The following SLC8A3 variants were observed in gnomAD, a reference collection of about 807,000 sequenced individuals.
The protein encoded by SLC8A3 is sodium/calcium exchanger 3.
Under a neutral mutation model 65.4 loss-of-function variants are expected in SLC8A3, and 37 were observed. The observed-to-expected ratio is 0.57, with a 90% CI of 0.44 to 0.74. The LOEUF is 0.74. Among genes scored for constraint, SLC8A3 ranks in the 30% least tolerant of loss-of-function variants. The pLI, the probability that SLC8A3 is intolerant of heterozygous loss-of-function variation, is 0.00. For synonymous variants in SLC8A3, 461 were observed against 444.5 expected (o/e 1.04, Z -0.47); for missense variants, 1,112 against 1,172.1 (o/e 0.95, Z 0.75).
At chr14:70,144,303 T>C (rs1478210360) in intron 2 of SLC8A3, among the ~76,000 whole-genome samples, 1 of 113,092 alleles carries the variant, frequency 8.8e-6, no homozygotes, top group Non-Finnish European at 1.7e-5. Context: ...TAACGAAAAC[T>C]TCCTGTTTTT....
At chr14:70,060,763 T>C in intron 3 of SLC8A3, 73 bp downstream of exon 3, 1 of 878,186 alleles carries the variant, frequency 1.1e-6, no homozygotes, top group South Asian at 1.4e-5. Flanking sequence ...TTTTCTTTTT[T>C]GTTGTTGTTT....
chr14:70,055,802 A>G, intron 3 of SLC8A3: 1 of 1,611,144 alleles, frequency 6.2e-7, no homozygotes, highest in Non-Finnish European at 8.5e-7. Context: ...TTACCTGGAG[A>G]TAACAGGAGC....
At chr14:70,080,486 C>T (rs931893940) in intron 2 of SLC8A3, among the ~76,000 whole-genome samples, 3 of 152,148 alleles carry the variant, frequency 2.0e-5, no homozygotes, top group Non-Finnish European at 2.9e-5. Context: ...GAAAACTGCT[C>T]GCTACACTGG....
rs146303844 is a variant in SLC8A3 at position 70,183,044 on chromosome 14, T to C, written c.-63+5335A>G. On this transcript the variant is annotated intron_variant, in intron 1 of 6. Transcript: ENST00000356921. Reference sequence around the variant, plus strand: ...AAGCTCACACTGTTTGGTTTCATTCTTTTGGACTTCGAGGTCCTCTCCTGT... The same window carrying C: ...AAGCTCACACTGTTTGGTTTCATTCCTTTGGACTTCGAGGTCCTCTCCTGT... Among the ~76,000 whole-genome samples, 19 of 152,334 alleles carry C rather than the reference T, an allele frequency of 1.2e-4. No homozygotes were observed. In the East Asian group the frequency reaches 1.9e-3, roughly 15 times the overall value.
chr14:70,105,114 G>A (rs547199582), intron 2 of SLC8A3, among the ~76,000 whole-genome samples: 1 of 152,288 alleles, frequency 6.6e-6, no homozygotes, highest in African/African-American at 2.4e-5. Context: ...TGGATCACAA[G>A]GTCAGGAGAT....
intron 2 of SLC8A3, among the ~76,000 whole-genome samples, chr14:70,133,593 C>T (rs1395959606): frequency 6.6e-6 from 1 of 152,194 alleles, no homozygotes; most frequent in Non-Finnish European, 1.5e-5. Context: ...AGTGGGGTCA[C>T]ACTGTGCCAG....
At chr14:70,084,818 G>A (rs1364141120) in intron 2 of SLC8A3, among the ~76,000 whole-genome samples, 1 of 152,216 alleles carries the variant, frequency 6.6e-6, no homozygotes, top group African/African-American at 2.4e-5. Context: ...TAGGTCTCCA[G>A]ATTCCTAGAA....
At position 70,045,909 on chromosome 14, in the gene SLC8A3, G is replaced by T; in HGVS notation, c.*38C>A. On this transcript the variant is annotated 3_prime_UTR_variant, in exon 7 of 7. Coordinates refer to ENST00000356921, the MANE Select transcript of SLC8A3 (RefSeq NM_182932.3). ...GGGAAGTGCCCTTCTCTTAGGAGAAGTCCTAGGCCTGCCCTGCTGGAGGCT... is the reference window on the plus strand; with the variant it reads ...GGGAAGTGCCCTTCTCTTAGGAGAATTCCTAGGCCTGCCCTGCTGGAGGCT... 6.5e-7 allele frequency: 1 copy of T among 1,529,732 alleles called. No individual in the cohort carries two copies. The highest frequency in any genetic ancestry group is 8.8e-7 in the Non-Finnish European group (1 of 1,134,864). 94.8% of individuals were successfully genotyped at this position (1,529,732 alleles called of 1,614,324 possible).
chr14:70,118,404 T>C (rs1377516673), intron 2 of SLC8A3, among the ~76,000 whole-genome samples: 2 of 152,224 alleles, frequency 1.3e-5, no homozygotes, highest in East Asian at 3.9e-4. Flanking sequence ...CAGAGGAACC[T>C]ACCCAAATAA....
rs77539704 is a variant in SLC8A3 at position 70,046,444 on chromosome 14, G to A, written c.2390-121C>T. On this transcript the variant is annotated intron_variant, in intron 6 of 6. Transcript: ENST00000356921. This position sits in a 1 kb window ranked among gnomAD's most constrained non-coding sequence, Gnocchi z 4.2. ...CTGAACCCAGGAATGAGAGACAAGG[G>A]CTAGGGGGCCACTCCTAACTCCTAG... 7.2e-3 allele frequency: 7,152 copies of A among 995,488 alleles called. 69 individuals are homozygous for A. Among genetic ancestry groups the A allele is most frequent in the African/African-American group, 0.038 (2,335 of 61,930 alleles). 61.7% of individuals were successfully genotyped at this position (995,488 alleles called of 1,614,324 possible).
At chr14:70,051,574 T>G (rs1352340216) in intron 4 of SLC8A3, among the ~76,000 whole-genome samples, 1 of 152,224 alleles carries the variant, frequency 6.6e-6, no homozygotes, top group Non-Finnish European at 1.5e-5. Context: ...GTGCTGAGAT[T>G]ACAGGCGTGA....
rs188371988 is a variant in SLC8A3, at chr14:70,086,453, G to T, written c.1785-25514C>A. Among the ~76,000 whole-genome samples the T allele has an allele frequency of 2.1e-4, 30 of 139,682 alleles. 1 individual carries two copies. The highest frequency in any genetic ancestry group is 7.8e-4 in the African/African-American group (29 of 37,188). The allele number at this position is 139,682 out of a possible 152,430, so 91.6% of individuals were successfully genotyped here. On this transcript the variant is annotated intron_variant, in intron 2 of 6. Coordinates refer to ENST00000356921, the MANE Select transcript of SLC8A3 (RefSeq NM_182932.3). Reference sequence around the variant, plus strand: ...GTCTCACTCTGTTGCCCAGGCTGGAGTGCAATGGCACGATCTTGGCTCACT... The same window carrying T: ...GTCTCACTCTGTTGCCCAGGCTGGATTGCAATGGCACGATCTTGGCTCACT...
intron 2 of SLC8A3, among the ~76,000 whole-genome samples, chr14:70,161,895 T>C (rs1220525345): frequency 6.6e-6 from 1 of 152,258 alleles, no homozygotes; most frequent in Non-Finnish European, 1.5e-5. Flanking sequence ...TGGAAGGGAA[T>C]GGTCTGCATT....
rs552108916 is a variant in SLC8A3 at position 70,080,766 on chromosome 14, G to C, written c.1785-19827C>G. 1.2e-4 allele frequency among the ~76,000 whole-genome samples: 19 copies of C among 152,324 alleles called. No homozygotes were observed. In the South Asian group the frequency reaches 3.9e-3, roughly 32 times the overall value. ...TTGTGCACGGAGCTCCATACACTCA[G>C]TGGATTTGAATGCCTACATGGTAGG... is the stretch of plus-strand genomic sequence containing the variant. On this transcript the variant is annotated intron_variant, in intron 2 of 6. Coordinates refer to ENST00000356921, the MANE Select transcript of SLC8A3 (RefSeq NM_182932.3).
intron 2 of SLC8A3, among the ~76,000 whole-genome samples, chr14:70,093,350 T>G (rs930116429): frequency 6.6e-5 from 10 of 152,184 alleles, no homozygotes; most frequent in African/African-American, 2.4e-4. Context: ...ACAGGGTATT[T>G]GGTGTGGGAG....
At chr14:70,073,352 T>C (rs1350238490) in intron 2 of SLC8A3, among the ~76,000 whole-genome samples, 1 of 152,204 alleles carries the variant, frequency 6.6e-6, no homozygotes, top group Non-Finnish European at 1.5e-5. Flanking sequence ...TCTCTGCATG[T>C]GACTCAGTTA....
intron 2 of SLC8A3, among the ~76,000 whole-genome samples, chr14:70,092,191 A>C (rs11158830): frequency 0.48 from 72,612 of 151,906 alleles, 17,557 homozygotes; most frequent in South Asian, 0.66. Flanking sequence ...TGCCCTTCCC[A>C]GATCCTCATA....
At chr14:70,124,608 T>C (rs1354183637) in intron 2 of SLC8A3, among the ~76,000 whole-genome samples, 1 of 152,278 alleles carries the variant, frequency 6.6e-6, no homozygotes, top group Admixed American at 6.5e-5. Context: ...AGTTCTTGAT[T>C]GCCTATGCAA....
At chr14:70,047,681 A>AG (rs1392222063) in intron 6 of SLC8A3, 1 of 152,262 alleles carries the variant, frequency 6.6e-6, no homozygotes, top group African/African-American at 2.4e-5. Context: ...CCCTTGGCCC[A>AG]GCCAGAAAAG....
Sources: allele counts gnomAD v4.1 joint callset (sites outside exome capture counted in the v4.1 genomes callset), GRCh38; gene constraint gnomAD v4.1.1; non-coding constraint Gnocchi (gnomAD v3.1); transcripts MANE v1.5; gene names NCBI Gene and HGNC (gene_info 2026-07-23, HGNC 2026-07-21).